UPK1A: variants seen among roughly 807,000 people sequenced by gnomAD.
UPK1A encodes the protein uroplakin 1A, also known as uroplakin-1a.
In UPK1A, 31 loss-of-function variants were observed where a neutral mutation model predicts 32.3. That is an observed-to-expected ratio of 0.96 (90% CI 0.72 to 1.30). UPK1A has a LOEUF of 1.30. Among genes scored for constraint, UPK1A ranks in the 50% most tolerant of loss-of-function variants. The pLI, the probability that UPK1A is intolerant of heterozygous loss-of-function variation, is 0.00. For synonymous variants in UPK1A, 135 were observed against 137.1 expected, an observed-to-expected ratio of 0.98 and a Z score of 0.11; for missense variants, 340 against 357.4, an observed-to-expected ratio of 0.95 and a Z score of 0.39.
At position 35,673,393 on chromosome 19, in the gene UPK1A, C is replaced by A. The variant is rs760184159; in HGVS notation, c.361-45C>A. Reference sequence around the variant, plus strand: ...CGGCGGGGCGGAGGTCGTCCTCTCTCCCCACCCAGCCCTGCCGGCCCTTGT... The same window carrying A: ...CGGCGGGGCGGAGGTCGTCCTCTCTACCCACCCAGCCCTGCCGGCCCTTGT... On this transcript the variant is annotated intron_variant, in intron 4 of 7. Coordinates refer to ENST00000617999, the Ensembl canonical transcript of UPK1A. 6 of 1,610,708 alleles carry A rather than the reference C, an allele frequency of 3.7e-6. No individual in the cohort carries two copies. The African/African-American group carries it at 8.0e-5, about 22-fold the overall frequency.
chr19:35,668,237 T>C (rs1968028509), intron 2 of UPK1A: 1 of 614,608 alleles, frequency 1.6e-6, no homozygotes, highest in African/African-American at 1.8e-5. Flanking sequence ...CCGAAGAAAC[T>C]GGCAGCTGGG....
At chr19:35,666,640 G>C in intron 1 of UPK1A, 102 bp downstream of exon 1, 1 of 628,506 alleles carries the variant, frequency 1.6e-6, no homozygotes, top group Non-Finnish European at 2.8e-6. Context: ...CCGGAGCCCG[G>C]GTGTCCTCTT....
exon 8 of UPK1A, chr19:35,677,977 C>T (rs887954805): frequency 1.9e-6 from 3 of 1,601,470 alleles, no homozygotes; most frequent in Non-Finnish European, 8.5e-7. Flanking sequence ...CTCGCCAGCT[C>T]CCGGTCATGC....
intron 5 of UPK1A, among the ~76,000 whole-genome samples, chr19:35,673,939 G>C (rs1169117488): frequency 6.6e-6 from 1 of 152,156 alleles, no homozygotes; most frequent in Non-Finnish European, 1.5e-5. Context: ...ATGGGGTCTT[G>C]CTCTGTTGCC....
At chr19:35,666,711 G>C in intron 1 of UPK1A, 98 bp from the exon 2 acceptor site, 1 of 1,245,814 alleles carries the variant, frequency 8.0e-7, no homozygotes, top group Non-Finnish European at 1.2e-6. Flanking sequence ...GCCCCGCAGA[G>C]AGCTGGAGCA....
intron 1 of UPK1A, 31 bp from the exon 2 acceptor site, chr19:35,666,767 GCCCTTTACGCT>G: frequency 1.2e-6 from 2 of 1,600,848 alleles, no homozygotes; most frequent in African/African-American, 2.7e-5. Flanking sequence ...GGTCCGGCTG[GCCCTTTACGCT>G]CCTGGCCTCA....
At chr19:35,675,414 T>C (rs984846802) in intron 5 of UPK1A, among the ~76,000 whole-genome samples, 2 of 152,018 alleles carry the variant, frequency 1.3e-5, no homozygotes, top group Admixed American at 6.6e-5. Context: ...CTCAAGTAGC[T>C]GGGATTACAG....
Position 35,673,490 on chromosome 19 carries a change from CG to C in UPK1A, c.415del (p.Asp139ThrfsTer8). ...AAGCAGATGCTGACCTTCTACAGCGCGGACACCGACCAGGGCCAGGAGCTGA... is the reference window on the plus strand; with the variant it reads ...AAGCAGATGCTGACCTTCTACAGCGCGACACCGACCAGGGCCAGGAGCTGA... On this transcript the variant is annotated frameshift_variant, in exon 5 of 8. Coordinates refer to ENST00000617999, the Ensembl canonical transcript of UPK1A. LOFTEE classifies it high-confidence loss of function. The C allele has an allele frequency of 1.2e-6, 2 of 1,613,438 alleles. No homozygotes were observed. The highest frequency in any genetic ancestry group is 1.3e-5 in the African/African-American group (1 of 75,022).
chr19:35,676,471 T>C (rs866497477), intron 6 of UPK1A: 4 of 238,344 alleles, frequency 1.7e-5, no homozygotes, highest in Non-Finnish European at 3.4e-5. Flanking sequence ...ATTACAGGCG[T>C]GAGCCACCAC....
intron 3 of UPK1A, among the ~76,000 whole-genome samples, chr19:35,669,657 C>T (rs543111630): frequency 1.3e-5 from 2 of 152,038 alleles, no homozygotes; most frequent in African/African-American, 2.4e-5. Context: ...GATGACAAAG[C>T]GAGACTCCAT....
At chr19:35,677,846 G>A in exon 7 of UPK1A, 1 of 1,612,184 alleles carries the variant, frequency 6.2e-7, no homozygotes, top group South Asian at 1.1e-5. Flanking sequence ...GCCATCGACA[G>A]CTACACGTGG....
chr19:35,673,454 C>G (rs745952930), exon 5 of UPK1A: 1 of 1,613,756 alleles, frequency 6.2e-7, no homozygotes, highest in Non-Finnish European at 8.5e-7. Flanking sequence ...TCCAACCCAT[C>G]CCTGATCACC....
intron 3 of UPK1A, among the ~76,000 whole-genome samples, chr19:35,669,596 G>C (rs577346806): frequency 6.6e-6 from 1 of 151,892 alleles, no homozygotes; most frequent in Admixed American, 6.6e-5. Flanking sequence ...ACTAGAACCC[G>C]GGAGGCAGAG....
Position 35,666,545 on chromosome 19 carries a change from A to AG in UPK1A, c.-5+12dup. ...GAGGCTGCAGACAGAGAAGGTGAGG[A>AG]GGGGGCCCTGGGAGTCTGGGTATGG... is the stretch of plus-strand genomic sequence containing the variant. On this transcript the variant is annotated splice_region_variant and intron_variant, in intron 1 of 7. Coordinates refer to ENST00000617999, the Ensembl canonical transcript of UPK1A. 4.2e-6 allele frequency: 2 copies of AG among 479,260 alleles called. No homozygotes were observed. Among genetic ancestry groups the AG allele is most frequent in the Non-Finnish European group, 7.6e-6 (2 of 263,510 alleles). The allele number at this position is 479,260 out of a possible 1,614,324, so 29.7% of individuals were successfully genotyped here.
rs1457239846 is a variant in UPK1A at position 35,677,925 on chromosome 19, G to A, written c.732+30G>A. 4 of 1,596,616 alleles carry A rather than the reference G, an allele frequency of 2.5e-6. No individual in the cohort carries two copies. In the East Asian group the frequency reaches 6.8e-5, roughly 27 times the overall value. ...GAGGCGGGGAGCCCACAGGCTGGGTGGGCTGGGGGTGGGGGGCGGAGTGCC... is the reference window on the plus strand; with the variant it reads ...GAGGCGGGGAGCCCACAGGCTGGGTAGGCTGGGGGTGGGGGGCGGAGTGCC... On this transcript the variant is annotated intron_variant, in intron 7 of 7. Coordinates refer to ENST00000617999, the Ensembl canonical transcript of UPK1A.
In UPK1A at chr19:35,677,855, G is replaced by A; in HGVS notation, c.692G>A (p.Trp231Ter). 2 of 1,612,210 alleles carry A rather than the reference G, an allele frequency of 1.2e-6. No individual in the cohort carries two copies. Among genetic ancestry groups the A allele is most frequent in the Non-Finnish European group, 1.7e-6 (2 of 1,180,006 alleles). The change falls in exon 7 of 8, where the codon TGG becomes TAG. Residue 231 changes from tryptophan to a stop codon, truncating the protein, a stop_gained. Transcript: ENST00000617999. LOFTEE classifies it high-confidence loss of function. ...GGCCACGCCATCGACAGCTACACGT[G>A]GGGTATCTCGTGGTTTGGGTTTGCC... is the stretch of plus-strand genomic sequence containing the variant.
chr19:35,673,605 A>T, intron 5 of UPK1A, 60 bp downstream of exon 5: 1 of 1,483,938 alleles, frequency 6.7e-7, no homozygotes, highest in Non-Finnish European at 9.3e-7. Flanking sequence ...AGGCCGATAG[A>T]GCTCCCGATG....
exon 4 of UPK1A, chr19:35,673,234 C>T (rs1160571497): frequency 3.1e-6 from 5 of 1,613,982 alleles, no homozygotes; most frequent in Non-Finnish European, 4.2e-6. Flanking sequence ...CTCCCCAGTA[C>T]CTGGTGCTCA....
At chr19:35,673,032 A>T (rs1383688707) in intron 3 of UPK1A, among the ~76,000 whole-genome samples, 200 bp from the exon 4 acceptor site, 2 of 152,234 alleles carry the variant, frequency 1.3e-5, no homozygotes, top group East Asian at 3.8e-4. Flanking sequence ...AAAATAAATT[A>T]ATTAAATTAA....
Sources: gnomAD v4.1 joint callset for allele counts (sites outside exome capture counted in the v4.1 genomes callset) on GRCh38, gnomAD v4.1.1 for gene constraint, MANE v1.5 for transcripts, NCBI Gene and HGNC (gene_info 2026-07-23, HGNC 2026-07-21) for gene names.